The following ZNF678 variants were observed in gnomAD, a reference collection of about 807,000 sequenced individuals.
ZNF678 encodes the protein zinc finger protein 678, also known as hypothetical protein MGC42493.
Under a neutral mutation model 3.0 loss-of-function variants are expected in ZNF678, and 5 were observed. The ratio of observed to expected loss-of-function variants is 1.69; its 90% CI spans 0.88 to 3.56. The LOEUF (loss-of-function observed/expected upper bound fraction) is 3.56. Ranked by LOEUF, ZNF678 falls within the 30% of genes most tolerant of loss-of-function variation. ZNF678 has a pLI of 0.00. For missense variants in ZNF678, 593 were observed against 605.0 expected (o/e 0.98, Z 0.21); for synonymous variants, 218 against 199.6 (o/e 1.09, Z -0.78).
rs1658727795 is a variant in ZNF678, at chr1:227,638,187, A to G, written c.-163-8357A>G. Among the ~76,000 whole-genome samples, 1 of 152,158 alleles carries G rather than the reference A, an allele frequency of 6.6e-6. No individual in the cohort carries two copies. Among genetic ancestry groups the G allele is most frequent in the Non-Finnish European group, 1.5e-5 (1 of 68,026 alleles). ...GTCGGGGTTTTCCCAAGTAAAGGCA[A>G]AGAGGTTTGGGGAATTAGAGTGTAA... is the stretch of plus-strand genomic sequence containing the variant. On this transcript the variant is annotated intron_variant, in intron 1 of 3. Coordinates refer to ENST00000343776, the MANE Select transcript of ZNF678 (RefSeq NM_001367909.1). This position sits in a 1 kb window ranked among gnomAD's most constrained non-coding sequence, Gnocchi z 4.2.
intron 1 of ZNF678, among the ~76,000 whole-genome samples, chr1:227,603,000 T>A (rs1365042668): frequency 2.6e-5 from 4 of 152,174 alleles, no homozygotes; most frequent in African/African-American, 9.7e-5. Flanking sequence ...TACCAAGATC[T>A]CCTGGAGGGG....
At chr1:227,646,483 A>T (rs1482943604) in intron 1 of ZNF678, 61 bp from the exon 2 acceptor site, 1 of 1,335,744 alleles carries the variant, frequency 7.5e-7, no homozygotes, top group African/African-American at 1.5e-5. Flanking sequence ...AGTTGGAGTC[A>T]AATTAAGAAC....
At chr1:227,625,676 G>A (rs746401616) in intron 1 of ZNF678, among the ~76,000 whole-genome samples, 6 of 152,104 alleles carry the variant, frequency 3.9e-5, no homozygotes, top group Non-Finnish European at 5.9e-5. Context: ...TAGGCTTACC[G>A]GGTGAGTATA....
intron 1 of ZNF678, among the ~76,000 whole-genome samples, chr1:227,611,836 G>A (rs989963722): frequency 1.3e-4 from 20 of 152,262 alleles, no homozygotes; most frequent in African/African-American, 1.9e-4. Context: ...TTCATCTACT[G>A]AAAACAGAGA....
chr1:227,629,067 AC>A (rs915705401), intron 1 of ZNF678, among the ~76,000 whole-genome samples: 1 of 152,070 alleles, frequency 6.6e-6, no homozygotes, highest in African/African-American at 2.4e-5. Flanking sequence ...TCTTGCACTA[AC>A]CTCCACTGTC....
chr1:227,646,348 C>T (rs1017085515), intron 1 of ZNF678, among the ~76,000 whole-genome samples, 196 bp from the exon 2 acceptor site: 1 of 152,150 alleles, frequency 6.6e-6, no homozygotes, highest in African/African-American at 2.4e-5. Flanking sequence ...AGCATCTACA[C>T]TGGTTTTGTA....
intron 1 of ZNF678, among the ~76,000 whole-genome samples, chr1:227,628,796 CTGGCTCAAGTCT>C (rs1437633826): frequency 6.6e-6 from 1 of 152,230 alleles, no homozygotes; most frequent in Non-Finnish European, 1.5e-5. Context: ...AGTATGAGAA[CTGGCTCAAGTCT>C]TGGGCTAATA....
At chr1:227,611,276 C>T (rs145937163) in intron 1 of ZNF678, among the ~76,000 whole-genome samples, 81 of 152,240 alleles carry the variant, frequency 5.3e-4, no homozygotes, top group African/African-American at 1.9e-3. Context: ...TTGACCCTTA[C>T]GTTGAGAACC....
At position 227,655,783 on chromosome 1, in the gene ZNF678, T is replaced by C. The variant is rs1181590294; in HGVS notation, c.1533T>C (p.Tyr511=). 24 of 1,596,836 alleles carry C rather than the reference T, an allele frequency of 1.5e-5. No homozygotes were observed. The highest frequency in any genetic ancestry group is 2.0e-5 in the Non-Finnish European group (23 of 1,173,320). Residue 511 remains tyrosine (Y), a synonymous_variant, in exon 4 of 4, where the codon TAT becomes TAC. Coordinates refer to ENST00000343776, the MANE Select transcript of ZNF678 (RefSeq NM_001367909.1). Reference sequence around the variant, plus strand: ...TCCATAGTAAGTATAAGAGAATTTATACTGGAGAGGAACCTGACAAATGTA... The same window carrying C: ...TCCATAGTAAGTATAAGAGAATTTACACTGGAGAGGAACCTGACAAATGTA... The part of the protein sequence containing the change: ...SSIHSKYKRI[Y]TGEEPDKCKK...
intron 5 of ZNF678, among the ~76,000 whole-genome samples, chr1:227,672,364 G>C (rs1354111466): frequency 3.3e-5 from 5 of 152,088 alleles, no homozygotes; most frequent in Non-Finnish European, 1.5e-5. Flanking sequence ...TTTCAGGGCA[G>C]GGAAGACGAA....
chr1:227,619,149 G>C (rs1161352624), intron 1 of ZNF678, among the ~76,000 whole-genome samples: 1 of 152,150 alleles, frequency 6.6e-6, no homozygotes, highest in Non-Finnish European at 1.5e-5. Flanking sequence ...ACAACTTGAC[G>C]TGAGATTTGG....
chr1:227,637,818 G>C (rs749498711), intron 1 of ZNF678, among the ~76,000 whole-genome samples: 1 of 152,160 alleles, frequency 6.6e-6, no homozygotes, highest in African/African-American at 2.4e-5. Flanking sequence ...GTTTGCGGAG[G>C]CAGGAGAGAC....
chr1:227,583,041 A>G (rs1400400675), intron 1 of ZNF678, among the ~76,000 whole-genome samples: 2 of 152,182 alleles, frequency 1.3e-5, no homozygotes, highest in African/African-American at 2.4e-5. Context: ...AACTGCCACT[A>G]TAATAGCCTC....
chr1:227,633,998 C>T (rs748904525), intron 1 of ZNF678, among the ~76,000 whole-genome samples: 25 of 152,146 alleles, frequency 1.6e-4, no homozygotes, highest in Non-Finnish European at 2.8e-4. Context: ...GAAGGAAGAG[C>T]GGGGAGGACT....
chr1:227,574,444 T>C (rs1018907386), intron 1 of ZNF678, among the ~76,000 whole-genome samples: 5 of 152,220 alleles, frequency 3.3e-5, no homozygotes, highest in Non-Finnish European at 7.3e-5. Flanking sequence ...TTTTGAAATA[T>C]GATTTTTGGT....
intron 5 of ZNF678, among the ~76,000 whole-genome samples, chr1:227,670,400 A>G (rs972199686): frequency 2.0e-5 from 3 of 152,250 alleles, no homozygotes; most frequent in African/African-American, 7.2e-5. Flanking sequence ...TTGTAGAACC[A>G]TTTAAACGAG....
At chr1:227,589,679 TA>T (rs1253876975) in intron 1 of ZNF678, among the ~76,000 whole-genome samples, 1 of 151,662 alleles carries the variant, frequency 6.6e-6, no homozygotes, top group Non-Finnish European at 1.5e-5. Context: ...CATGCACCAG[TA>T]ATCAGAACGA....
At chr1:227,623,355 A>AT (rs1174923330) in intron 1 of ZNF678, among the ~76,000 whole-genome samples, 3 of 152,178 alleles carry the variant, frequency 2.0e-5, no homozygotes. Context: ...CAAGTCCCTG[A>AT]TTTTTTCTCC....
Position 227,676,954 on chromosome 1 carries a change from C to T in ZNF678, c.227-225C>T, listed in dbSNP as rs1257667372. ...CATTTGGGTTGGTTCCAAGTCTTTG[C>T]TATTGTGAATAGTGCCGCAATAAAT... On this transcript the variant is annotated intron_variant, in intron 5 of 5. Coordinates refer to the ZNF678 transcript ENST00000608949. Among the ~76,000 whole-genome samples the T allele has an allele frequency of 2.0e-5, 3 of 152,132 alleles. No individual in the cohort carries two copies. In the East Asian group the frequency reaches 5.8e-4, roughly 29 times the overall value.
Sources: gnomAD v4.1 joint callset for allele counts (sites outside exome capture counted in the v4.1 genomes callset) on GRCh38, gnomAD v4.1.1 for gene constraint, Gnocchi (gnomAD v3.1) non-coding constraint, MANE v1.5 for transcripts, NCBI Gene and HGNC (gene_info 2026-07-23, HGNC 2026-07-21) for gene names.